Variants in AP3B1 observed in about 807,000 individuals in gnomAD.
AP3B1 encodes AP-3 complex subunit beta-1.
In AP3B1, 61 loss-of-function variants were observed where a neutral mutation model predicts 132.5. That is an observed-to-expected ratio of 0.46 (90% CI 0.37 to 0.57). The LOEUF (loss-of-function observed/expected upper bound fraction) is 0.57, where lower values mean the gene tolerates loss of function less well. AP3B1 is among the 20% of genes least tolerant of loss of function. The pLI, the probability that AP3B1 is intolerant of heterozygous loss-of-function variation, is 0.00. For missense variants in AP3B1, 1,120 were observed against 1,289.4 expected (o/e 0.87, Z 2.01); for synonymous variants, 388 against 438.3 (o/e 0.89, Z 1.43).
At chr5:78,111,457 A>G (rs1751589018) in intron 19 of AP3B1, among the ~76,000 whole-genome samples, 1 of 152,222 alleles carries the variant, frequency 6.6e-6, no homozygotes, top group African/African-American at 2.4e-5. Context: ...ATAAGGTTGC[A>G]GTGATAATAC....
At chr5:78,116,929 C>T (rs1009930919) in intron 17 of AP3B1, among the ~76,000 whole-genome samples, 2 of 152,080 alleles carry the variant, frequency 1.3e-5, no homozygotes, top group African/African-American at 4.8e-5. Context: ...GCAGTGGCTC[C>T]CCATTTTACT....
intron 1 of AP3B1, among the ~76,000 whole-genome samples, chr5:78,274,050 AAC>A (rs1554034663): frequency 3.3e-5 from 5 of 150,898 alleles, no homozygotes; most frequent in Non-Finnish European, 5.9e-5. Flanking sequence ...AAAAAAAAAA[AAC>A]CAGGAGCAGA....
chr5:78,175,548 C>T lies in AP3B1; in HGVS notation c.1167+78G>A. On this transcript the variant is annotated intron_variant, in intron 11 of 26. Transcript: ENST00000255194. ...TGTTTTGAAAAGCAGGACTGCATCC[C>T]ACAGGTGCTAAAAGCTATAGAAATA... is the stretch of plus-strand genomic sequence containing the variant. The T allele has an allele frequency of 1.8e-6, 2 of 1,117,298 alleles. 1 individual carries two copies. Among genetic ancestry groups the T allele is most frequent in the Non-Finnish European group, 2.7e-6 (2 of 745,524 alleles). The allele number at this position is 1,117,298 out of a possible 1,614,324, so 69.2% of individuals were successfully genotyped here.
intron 22 of AP3B1, among the ~76,000 whole-genome samples, chr5:78,061,138 A>G (rs926468936): frequency 6.6e-6 from 1 of 152,130 alleles, no homozygotes; most frequent in African/African-American, 2.4e-5. Context: ...AACATAGAAA[A>G]AAAAAAAAAC....
At position 78,216,310 on chromosome 5, in the gene AP3B1, T is replaced by C. The variant is rs138376622; in HGVS notation, c.604-73A>G. On this transcript the variant is annotated intron_variant, in intron 6 of 26. Coordinates refer to ENST00000255194, the MANE Select transcript of AP3B1 (RefSeq NM_003664.5). Reference sequence around the variant, plus strand: ...CATCAAAGGTCTTACTCAGGCATTATAGTAATCAGTTTCATGCCAATCAGT... The same window carrying C: ...CATCAAAGGTCTTACTCAGGCATTACAGTAATCAGTTTCATGCCAATCAGT... 5.0e-4 allele frequency: 690 copies of C among 1,378,832 alleles called. 2 individuals are homozygous for C. In the African/African-American group the frequency reaches 8.2e-3, roughly 16 times the overall value. The allele number at this position is 1,378,832 out of a possible 1,614,324, so 85.4% of individuals were successfully genotyped here. A position where few individuals can be genotyped will look rare whatever the true frequency, so the allele number is the denominator to read the frequency against.
At chr5:78,247,488 T>C (rs1317664413) in intron 2 of AP3B1, among the ~76,000 whole-genome samples, 3 of 151,306 alleles carry the variant, frequency 2.0e-5, no homozygotes, top group Non-Finnish European at 4.4e-5. Context: ...TTTGTCAATC[T>C]TTCCTGTCAG....
intron 2 of AP3B1, among the ~76,000 whole-genome samples, chr5:78,265,017 A>T (rs1303068052): frequency 6.6e-6 from 1 of 152,244 alleles, no homozygotes; most frequent in Non-Finnish European, 1.5e-5. Context: ...AAATCCCTGG[A>T]TACTATTTAA....
At chr5:78,218,754 G>C (rs1178121055) in intron 6 of AP3B1, among the ~76,000 whole-genome samples, 2 of 152,096 alleles carry the variant, frequency 1.3e-5, no homozygotes, top group Non-Finnish European at 2.9e-5. Flanking sequence ...AGAGTGCTGG[G>C]TCATCACAAG....
chr5:78,052,553 T>C (rs1361730917), intron 22 of AP3B1, among the ~76,000 whole-genome samples: 1 of 152,236 alleles, frequency 6.6e-6, no homozygotes, highest in Non-Finnish European at 1.5e-5. Flanking sequence ...ATTTATGTAT[T>C]ATCTGTGGCT....
chr5:78,114,105 T>C (rs1355339679), intron 18 of AP3B1, among the ~76,000 whole-genome samples, 182 bp from the exon 19 acceptor site: 1 of 152,210 alleles, frequency 6.6e-6, no homozygotes, highest in Non-Finnish European at 1.5e-5. Flanking sequence ...CCTTTAGCAC[T>C]GTGAGCTTGG....
At chr5:78,141,492 T>C (rs925298885) in intron 14 of AP3B1, among the ~76,000 whole-genome samples, 173 bp from the exon 15 acceptor site, 6 of 152,148 alleles carry the variant, frequency 3.9e-5, no homozygotes, top group Non-Finnish European at 1.5e-5. Flanking sequence ...AATAAACACA[T>C]AGGAAATCTC....
At chr5:78,014,714 C>T (rs1054290971) in intron 26 of AP3B1, among the ~76,000 whole-genome samples, 9 of 152,086 alleles carry the variant, frequency 5.9e-5, no homozygotes, top group Non-Finnish European at 1.3e-4. Flanking sequence ...GCAACGAATT[C>T]CCTTAAGCTC....
intron 6 of AP3B1, among the ~76,000 whole-genome samples, chr5:78,216,471 T>C (rs1745966371): frequency 6.6e-6 from 1 of 152,208 alleles, no homozygotes; most frequent in African/African-American, 2.4e-5. Flanking sequence ...AAGTAAATTC[T>C]GATGTGTTTA....
chr5:78,255,647 T>C (rs1445383186), intron 2 of AP3B1, among the ~76,000 whole-genome samples: 3 of 152,076 alleles, frequency 2.0e-5, no homozygotes. Context: ...CAATAACAGC[T>C]AGGAGACTTC....
chr5:78,219,460 G>A (rs1746091857), intron 6 of AP3B1, among the ~76,000 whole-genome samples: 2 of 152,136 alleles, frequency 1.3e-5, no homozygotes, highest in South Asian at 4.1e-4. Flanking sequence ...GAAGGTAGAT[G>A]AAAATGGTAT....
intron 2 of AP3B1, among the ~76,000 whole-genome samples, chr5:78,247,973 C>A (rs1031142844): frequency 1.3e-5 from 2 of 151,882 alleles, no homozygotes; most frequent in African/African-American, 4.8e-5. Flanking sequence ...AACTTTCTGC[C>A]TATATCTTTT....
intron 4 of AP3B1, 32 bp downstream of exon 4, chr5:78,228,112 G>A: frequency 2.1e-6 from 3 of 1,427,164 alleles, no homozygotes; most frequent in Non-Finnish European, 2.9e-6. Context: ...CAGAAACCTT[G>A]TAGCTATTTG....
intron 15 of AP3B1, among the ~76,000 whole-genome samples, chr5:78,134,150 A>G (rs1376605074): frequency 2.3e-5 from 2 of 87,594 alleles, no homozygotes. Context: ...GACTCGCCTC[A>G]AAAAAAAAAA....
chr5:78,001,713 C>G (rs1406626529), downstream of AP3B1: 1 of 152,096 alleles, frequency 6.6e-6, no homozygotes, highest in Non-Finnish European at 1.5e-5. Context: ...CAGTCACTTC[C>G]TTTTTACTTT....
Sources: gnomAD v4.1 joint callset for allele counts (sites outside exome capture counted in the v4.1 genomes callset) on GRCh38, gnomAD v4.1.1 for gene constraint, MANE v1.5 for transcripts, NCBI Gene and HGNC (gene_info 2026-07-23, HGNC 2026-07-21) for gene names.